Variants in TPRG1 observed in about 807,000 individuals in gnomAD.
TPRG1 encodes the protein tumor protein p63-regulated gene 1 protein.
TPRG1 carries 29 observed loss-of-function variants against 29.3 expected under a neutral mutation model. The observed-to-expected ratio is 0.99, with a 90% confidence interval of 0.74 to 1.35. The LOEUF is 1.35. Among genes scored for constraint, TPRG1 ranks in the 40% most tolerant of loss-of-function variants. The probability of loss-of-function intolerance (pLI) is 0.00; values close to 1 mark genes in which losing one functional copy is unlikely to be tolerated. For synonymous variants in TPRG1, 130 were observed against 116.8 expected (o/e 1.11, Z -0.73); for missense variants, 327 against 335.0 (o/e 0.98, Z 0.19).
At chr3:189,008,264 C>T (rs138554921) in intron 3 of TPRG1, among the ~76,000 whole-genome samples, 114 of 152,118 alleles carry the variant, frequency 7.5e-4, no homozygotes, top group African/African-American at 1.5e-3. Flanking sequence ...CTACTTTGTT[C>T]GCAGTTAGTC....
chr3:189,238,972 G>A, intron 4 of TPRG1, 63 bp downstream of exon 4: 2 of 1,449,782 alleles, frequency 1.4e-6, no homozygotes, highest in Non-Finnish European at 9.2e-7. Flanking sequence ...GGGAAAACAA[G>A]CCGAAAATTC....
chr3:189,145,411 A>G lies in TPRG1; in HGVS notation c.-290-2173A>G, dbSNP rs80332276. ...AAACAAAAATCAAATACCATAGACT[A>G]ACACAAAGAGATGGCGTAATATAGT... On this transcript the variant is annotated intron_variant, in intron 3 of 6. Transcript: ENST00000412373. Among the ~76,000 whole-genome samples, 8 of 152,092 alleles carry G rather than the reference A, an allele frequency of 5.3e-5. No homozygotes were observed. The East Asian group carries it at 1.5e-3, about 29-fold the overall frequency.
rs115882776 is a variant in TPRG1 at position 189,302,740 on chromosome 3, G to A, written c.480-7646G>A. Among the ~76,000 whole-genome samples the A allele has an allele frequency of 6.3e-3, 964 of 152,220 alleles. 5 individuals are homozygous for A. Among genetic ancestry groups the A allele is most frequent in the Non-Finnish European group, 0.011 (768 of 68,012 alleles). On this transcript the variant is annotated intron_variant, in intron 4 of 5. Transcript: ENST00000345063. ...CATTGGATTAGCTTTCCATTTAAATGGCATCTGAGAAAACACAGCTTTTTC... is the reference window on the plus strand; with the variant it reads ...CATTGGATTAGCTTTCCATTTAAATAGCATCTGAGAAAACACAGCTTTTTC...
intron 4 of TPRG1, among the ~76,000 whole-genome samples, chr3:189,045,704 A>G (rs1337843949): frequency 6.6e-6 from 1 of 152,202 alleles, no homozygotes; most frequent in Non-Finnish European, 1.5e-5. Context: ...TTGATTGTAT[A>G]TTTACACTGA....
chr3:189,131,181 G>A (rs1442049106), intron 2 of TPRG1, among the ~76,000 whole-genome samples: 1 of 152,222 alleles, frequency 6.6e-6, no homozygotes, highest in African/African-American at 2.4e-5. Context: ...TCACTGATGG[G>A]AGGGCTCAGG....
At chr3:189,000,953 GC>G in intron 2 of TPRG1, 1 of 152,140 alleles carries the variant, frequency 6.6e-6, no homozygotes, top group Non-Finnish European at 1.5e-5. Flanking sequence ...TTGTTTTGTT[GC>G]CCAGGCTGGC....
chr3:189,219,494 A>G (rs962756788), intron 3 of TPRG1: 3 of 877,532 alleles, frequency 3.4e-6, no homozygotes, highest in African/African-American at 1.9e-5. Flanking sequence ...GCAGTTTCCT[A>G]TTACCTTTCT....
intron 3 of TPRG1, among the ~76,000 whole-genome samples, chr3:189,227,155 A>G (rs190789943): frequency 1.3e-5 from 2 of 152,024 alleles, no homozygotes; most frequent in East Asian, 1.9e-4. Context: ...TTCACAAAAA[A>G]AAAAGAAAAA....
chr3:189,070,850 G>A (rs1716771751), intron 4 of TPRG1, among the ~76,000 whole-genome samples: 1 of 152,106 alleles, frequency 6.6e-6, no homozygotes, highest in South Asian at 2.1e-4. Context: ...CGAGAAGTGT[G>A]AATCTCTGTG....
At chr3:189,230,326 C>G (rs892519407) in intron 3 of TPRG1, among the ~76,000 whole-genome samples, 1 of 152,140 alleles carries the variant, frequency 6.6e-6, no homozygotes, top group Non-Finnish European at 1.5e-5. Context: ...TAGCTGGATT[C>G]TGGCCTTGGC....
chr3:189,110,241 GT>G (rs1409839981), intron 1 of TPRG1, among the ~76,000 whole-genome samples: 1 of 152,174 alleles, frequency 6.6e-6, no homozygotes, highest in East Asian at 1.9e-4. Flanking sequence ...TGTATGAGGA[GT>G]TCTAGTTACT....
At chr3:189,281,318 T>C (rs2109137720) in intron 4 of TPRG1, among the ~76,000 whole-genome samples, 1 of 152,168 alleles carries the variant, frequency 6.6e-6, no homozygotes, top group South Asian at 2.1e-4. Context: ...CCTAGTAAAC[T>C]TAAGGAAAAC....
intron 4 of TPRG1, among the ~76,000 whole-genome samples, chr3:189,243,371 T>C (rs1465905081): frequency 6.6e-6 from 1 of 152,198 alleles, no homozygotes; most frequent in Non-Finnish European, 1.5e-5. Context: ...GCCCCACTTC[T>C]AACACTGGGG....
chr3:189,057,934 T>C (rs1303967567), intron 4 of TPRG1, among the ~76,000 whole-genome samples: 1 of 150,498 alleles, frequency 6.6e-6, no homozygotes, highest in Non-Finnish European at 1.5e-5. Flanking sequence ...TATGAATATA[T>C]AAGTATATAT....
chr3:189,317,032 A>G (rs10513835), intron 5 of TPRG1, among the ~76,000 whole-genome samples: 18,440 of 152,122 alleles, frequency 0.12, 1,160 homozygotes, highest in South Asian at 0.15. Flanking sequence ...ATCTGACTCC[A>G]ATGAAATGCC....
intron 4 of TPRG1, among the ~76,000 whole-genome samples, chr3:189,245,587 C>T (rs374735013): frequency 3.0e-4 from 46 of 152,082 alleles, no homozygotes; most frequent in African/African-American, 9.4e-4. Flanking sequence ...CTGATACTTT[C>T]GGATTTGTTT....
chr3:189,119,547 G>T (rs1056632219), intron 1 of TPRG1, among the ~76,000 whole-genome samples: 2 of 152,190 alleles, frequency 1.3e-5, no homozygotes, highest in East Asian at 3.9e-4. Flanking sequence ...ACCTGGAGTT[G>T]TAATAATCTC....
chr3:189,246,767 G>T (rs1741439138), intron 4 of TPRG1, among the ~76,000 whole-genome samples: 1 of 151,990 alleles, frequency 6.6e-6, no homozygotes. Flanking sequence ...ATAGAATTTG[G>T]CTTGAGATTG....
chr3:189,159,834 T>TTG (rs779237990), intron 5 of TPRG1, among the ~76,000 whole-genome samples: 1,002 of 95,456 alleles, frequency 0.01, 15 homozygotes, highest in African/African-American at 0.039. Flanking sequence ...CATGGAGTGT[T>TTG]TGTGTATGTG....
Sources: allele counts gnomAD v4.1 joint callset (sites outside exome capture counted in the v4.1 genomes callset), GRCh38; gene constraint gnomAD v4.1.1; transcripts MANE v1.5; gene names NCBI Gene and HGNC (gene_info 2026-07-23, HGNC 2026-07-21).